Variants in COL26A1 observed in about 807,000 individuals in gnomAD.
The protein encoded by COL26A1 is collagen alpha-1(XXVI) chain.
In COL26A1, 41 loss-of-function variants were observed where a neutral mutation model predicts 59.3. That is an observed-to-expected ratio of 0.69 (90% CI 0.54 to 0.90). The LOEUF (loss-of-function observed/expected upper bound fraction) is 0.90. Ranked by LOEUF, COL26A1 falls within the 40% of genes least tolerant of loss-of-function variation. The pLI is 0.00. For synonymous variants in COL26A1, 266 were observed against 256.0 expected (o/e 1.04, Z -0.37); for missense variants, 612 against 602.3 (o/e 1.02, Z -0.17).
intron 3 of COL26A1, among the ~76,000 whole-genome samples, chr7:101,492,750 T>A (rs934075023): frequency 6.9e-6 from 1 of 145,766 alleles, no homozygotes; most frequent in Non-Finnish European, 1.5e-5. Context: ...AAATAAATAA[T>A]AAAAATAGAG....
At chr7:101,521,993 A>G (rs1214078003) in intron 3 of COL26A1, among the ~76,000 whole-genome samples, 3 of 152,098 alleles carry the variant, frequency 2.0e-5, no homozygotes, top group Admixed American at 1.3e-4. Flanking sequence ...GTGATATGCA[A>G]TTTATTTATC....
At chr7:101,392,506 A>G (rs996269258) in intron 1 of COL26A1, among the ~76,000 whole-genome samples, 2 of 148,982 alleles carry the variant, frequency 1.3e-5, no homozygotes, top group Non-Finnish European at 3.0e-5. Flanking sequence ...GGTTCAAGCA[A>G]TTCTCCTGCC....
intron 1 of COL26A1, among the ~76,000 whole-genome samples, chr7:101,376,547 A>G (rs1791323552): frequency 6.6e-6 from 1 of 152,096 alleles, no homozygotes; most frequent in African/African-American, 2.4e-5. Context: ...AGCTGGTCCT[A>G]AGCCTGCTCA....
chr7:101,426,499 A>T (rs1252527918), intron 2 of COL26A1, among the ~76,000 whole-genome samples: 19 of 152,194 alleles, frequency 1.2e-4, no homozygotes, highest in Admixed American at 1.2e-3. Context: ...AGCTCCAGGC[A>T]TCACGTCTCA....
chr7:101,381,522 G>A (rs538121017), intron 1 of COL26A1, among the ~76,000 whole-genome samples: 32 of 152,278 alleles, frequency 2.1e-4, no homozygotes, highest in Non-Finnish European at 4.4e-4. Context: ...CATGGCTCTG[G>A]AGGCTGGGAA....
chr7:101,444,117 ATCC>A (rs1554411769), intron 2 of COL26A1, among the ~76,000 whole-genome samples: 1 of 151,772 alleles, frequency 6.6e-6, no homozygotes, highest in Non-Finnish European at 1.5e-5. Flanking sequence ...ACTTCAAGCA[ATCC>A]TCCTGCCTCG....
At chr7:101,486,830 C>T (rs1383092473) in intron 3 of COL26A1, among the ~76,000 whole-genome samples, 6 of 152,164 alleles carry the variant, frequency 3.9e-5, no homozygotes, top group Admixed American at 1.3e-4. Flanking sequence ...TAATGGATTC[C>T]AGGATGGAAT....
At chr7:101,501,348 A>C (rs1353269068) in intron 3 of COL26A1, among the ~76,000 whole-genome samples, 5 of 152,038 alleles carry the variant, frequency 3.3e-5, no homozygotes, top group Non-Finnish European at 7.4e-5. Flanking sequence ...TGTCGGCCCC[A>C]GGCCTCTTCC....
intron 1 of COL26A1, among the ~76,000 whole-genome samples, chr7:101,386,971 C>T (rs1029569555): frequency 2.0e-5 from 3 of 151,930 alleles, no homozygotes; most frequent in African/African-American, 4.8e-5. Context: ...TAGATTAATC[C>T]CAGAACCTGG....
intron 3 of COL26A1, among the ~76,000 whole-genome samples, chr7:101,513,912 G>C (rs577293857): frequency 2.0e-5 from 3 of 152,244 alleles, no homozygotes; most frequent in African/African-American, 7.2e-5. Flanking sequence ...AAATGAAAAA[G>C]ACAGAACAAC....
intron 3 of COL26A1, among the ~76,000 whole-genome samples, chr7:101,516,412 C>G (rs1334067968): frequency 6.6e-6 from 1 of 152,066 alleles, no homozygotes; most frequent in Non-Finnish European, 1.5e-5. Context: ...GCCGGGACTA[C>G]AGGTGCGCAC....
chr7:101,496,962 G>A (rs780256467), intron 3 of COL26A1, among the ~76,000 whole-genome samples: 2 of 152,102 alleles, frequency 1.3e-5, no homozygotes, highest in Non-Finnish European at 2.9e-5. Context: ...TAAAGTCCAG[G>A]CCCAATGGCT....
Position 101,420,039 on chromosome 7 carries a change from CGGT to C in COL26A1, c.225_227del (p.Val76del). 6.2e-7 allele frequency: 1 copy of C among 1,613,166 alleles called. No individual in the cohort carries two copies. The highest frequency in any genetic ancestry group is 8.5e-7 in the Non-Finnish European group (1 of 1,179,828). On this transcript the variant is annotated inframe_deletion, in exon 2 of 13. Coordinates refer to ENST00000313669, the MANE Select transcript of COL26A1 (RefSeq NM_001278563.3). ...TGCCAGGTGCAGAATGGCTCGGAGA[CGGT>C]GGTCCAGCGCGTGTACCAGAGCTGC...
At chr7:101,381,292 C>A (rs1216678793) in intron 1 of COL26A1, among the ~76,000 whole-genome samples, 2 of 152,148 alleles carry the variant, frequency 1.3e-5, no homozygotes, top group Non-Finnish European at 2.9e-5. Flanking sequence ...TTACTCCAAC[C>A]TTTCTTTCTG....
intron 1 of COL26A1, among the ~76,000 whole-genome samples, chr7:101,407,324 C>T (rs1245747267): frequency 6.6e-6 from 1 of 152,170 alleles, no homozygotes; most frequent in African/African-American, 2.4e-5. Context: ...CTTGTCTCTG[C>T]TCGATATTCC....
At chr7:101,511,631 C>A (rs1794928203) in intron 3 of COL26A1, among the ~76,000 whole-genome samples, 1 of 152,190 alleles carries the variant, frequency 6.6e-6, no homozygotes, top group African/African-American at 2.4e-5. Context: ...CTGATCTGGC[C>A]AGTGTGGCTG....
At chr7:101,390,328 G>T (rs10255040) in intron 1 of COL26A1, among the ~76,000 whole-genome samples, 5 of 151,502 alleles carry the variant, frequency 3.3e-5, no homozygotes, top group East Asian at 1.9e-4. Context: ...GGGTTTCACC[G>T]TGTTGGCCAG....
chr7:101,462,895 A>T (rs1030149148), intron 3 of COL26A1, among the ~76,000 whole-genome samples: 1 of 152,186 alleles, frequency 6.6e-6, no homozygotes, highest in African/African-American at 2.4e-5. Context: ...GTTCAGATGC[A>T]GTGACCTTGC....
intron 3 of COL26A1, among the ~76,000 whole-genome samples, chr7:101,524,956 A>G (rs1326844199): frequency 6.6e-6 from 1 of 152,182 alleles, no homozygotes; most frequent in Admixed American, 6.5e-5. Context: ...CCAAGTCAAC[A>G]GAACCCCCAG....
Sources: allele counts gnomAD v4.1 joint callset (sites outside exome capture counted in the v4.1 genomes callset), GRCh38; gene constraint gnomAD v4.1.1; transcripts MANE v1.5; gene names NCBI Gene and HGNC (gene_info 2026-07-23, HGNC 2026-07-21).